The following ETS1 variants were observed in gnomAD, a reference collection of about 807,000 sequenced individuals.
The protein encoded by ETS1 is protein C-ets-1.
ETS1 carries 15 observed loss-of-function variants against 58.6 expected under a neutral mutation model. That is an observed-to-expected ratio of 0.26 (90% CI 0.17 to 0.39). ETS1 has a LOEUF of 0.39. ETS1 is among the 10% of genes least tolerant of loss of function. The pLI is 1.00. For synonymous variants in ETS1, 214 were observed against 218.2 expected (o/e 0.98, Z 0.17); for missense variants, 417 against 610.5 (o/e 0.68, Z 3.34).
In ETS1 at chr11:128,484,956, G is replaced by A. The variant is rs1223844662; in HGVS notation, c.729C>T (p.Leu243=). The A allele has an allele frequency of 1.2e-6, 2 of 1,614,118 alleles. No individual in the cohort carries two copies. Among genetic ancestry groups the A allele is most frequent in the South Asian group, 1.1e-5 (1 of 91,078 alleles). The part of the protein sequence containing the change: ...HPISSEELLS[L]KYENDYPSVI... ...CCGAGGGGTAGTCATTCTCATACTT[G>A]AGGGAGAGGAGCTCTTCCGAGCTGA... Residue 243 remains leucine (L), a synonymous_variant, in exon 7 of 10, where the codon CTC becomes CTT. Transcript: ENST00000392668.
chr11:128,524,610 TATTC>T lies in ETS1; in HGVS notation c.214+31677_214+31680del, dbSNP rs145283395. Among the ~76,000 whole-genome samples the T allele has an allele frequency of 1.4e-3, 218 of 152,336 alleles. 1 individual carries two copies. The East Asian group carries it at 0.037, about 26-fold the overall frequency. On this transcript the variant is annotated intron_variant, in intron 3 of 9. Transcript: ENST00000392668. ...AATCAATGTTGATAAATGAAATTTT[TATTC>T]ATTCTCTTTAGGACACAAGTAGATT...
At chr11:128,497,654 C>T in intron 3 of ETS1, 3 of 907,288 alleles carry the variant, frequency 3.3e-6, no homozygotes, top group African/African-American at 1.8e-5. Context: ...AGTTGTAATT[C>T]GGCAGCGCCG....
At chr11:128,571,225 G>A (rs976488174) in intron 2 of ETS1, among the ~76,000 whole-genome samples, 5 of 151,714 alleles carry the variant, frequency 3.3e-5, no homozygotes, top group African/African-American at 7.3e-5. Context: ...TCAGGAGATC[G>A]AGACCACGGT....
chr11:128,553,325 G>GT (rs1178279100), intron 3 of ETS1, among the ~76,000 whole-genome samples: 2 of 152,126 alleles, frequency 1.3e-5, no homozygotes, highest in Non-Finnish European at 2.9e-5. Context: ...ATGCAAATGT[G>GT]GCTTCCCTTT....
chr11:128,563,313 T>G (rs1864435797), intron 2 of ETS1, among the ~76,000 whole-genome samples: 1 of 152,214 alleles, frequency 6.6e-6, no homozygotes, highest in Non-Finnish European at 1.5e-5. Context: ...GAGTCAACAC[T>G]GGGTGGATGG....
At chr11:128,512,691 C>T (rs542129035) in intron 3 of ETS1, among the ~76,000 whole-genome samples, 3 of 152,380 alleles carry the variant, frequency 2.0e-5, no homozygotes, top group Non-Finnish European at 4.4e-5. Flanking sequence ...ACCCAAAGCA[C>T]GCAGGCCTGG....
Position 128,585,121 on chromosome 11 carries a change from AAAG to A in ETS1, c.-15+2364_-15+2366del, listed in dbSNP as rs1373268765. Among the ~76,000 whole-genome samples the A allele has an allele frequency of 3.2e-3, 68 of 21,054 alleles. 6 individuals carry two copies. The highest frequency in any genetic ancestry group is 8.6e-3 in the Middle Eastern group (1 of 116). The allele number at this position is 21,054 out of a possible 152,430, so 13.8% of individuals were successfully genotyped here. A position where few individuals can be genotyped will look rare whatever the true frequency, so the allele number is the denominator to read the frequency against. Reference sequence around the variant, plus strand: ...AAAGAAAGGAAGGAAGGAAGGAAAGAAAGAAGAAAGAAAGAAAAGAAAGAAAGA... The same window carrying A: ...AAAGAAAGGAAGGAAGGAAGGAAAGAAAGAAAGAAAGAAAAGAAAGAAAGA... On this transcript the variant is annotated intron_variant, in intron 1 of 9. Coordinates refer to ENST00000392668, the MANE Select transcript of ETS1 (RefSeq NM_001143820.2).
intron 2 of ETS1, among the ~76,000 whole-genome samples, chr11:128,567,924 G>A (rs1039801944): frequency 2.0e-5 from 3 of 152,114 alleles, no homozygotes; most frequent in African/African-American, 7.2e-5. Flanking sequence ...GTGAACCACC[G>A]CGGCCAGCCA....
At chr11:128,506,679 A>C (rs79811335) in intron 3 of ETS1, among the ~76,000 whole-genome samples, 2,720 of 152,236 alleles carry the variant, frequency 0.018, 76 homozygotes, top group African/African-American at 0.062. Flanking sequence ...GATCTCCCAC[A>C]GCCACCTCCG....
intron 3 of ETS1, among the ~76,000 whole-genome samples, chr11:128,554,496 C>G (rs1248490187): frequency 6.6e-6 from 1 of 152,062 alleles, no homozygotes; most frequent in Non-Finnish European, 1.5e-5. Context: ...CAGACACTGT[C>G]TCATAGGCCA....
intron 3 of ETS1, 23 bp downstream of exon 3, chr11:128,556,268 C>T (rs1864310669): frequency 1.3e-6 from 2 of 1,589,492 alleles, no homozygotes; most frequent in African/African-American, 2.7e-5. Context: ...ATCCTCATTC[C>T]CAGCTTTTGT....
At chr11:128,473,858 G>A (rs962489454) in intron 8 of ETS1, among the ~76,000 whole-genome samples, 8 of 152,220 alleles carry the variant, frequency 5.3e-5, no homozygotes, top group Non-Finnish European at 1.0e-4. Context: ...ACCTGGCAGG[G>A]CCTTTCCCAA....
chr11:128,522,285 C>G (rs1036174538), intron 3 of ETS1: 33 of 1,111,356 alleles, frequency 3.0e-5, no homozygotes, highest in Non-Finnish European at 3.5e-5. Flanking sequence ...TCTCCGCCGG[C>G]GGCTGCCTCG....
chr11:128,482,467 G>A (rs12362014), intron 7 of ETS1, among the ~76,000 whole-genome samples: 23,345 of 152,066 alleles, frequency 0.15, 2,401 homozygotes, highest in Admixed American at 0.28. Context: ...TTTTATACTT[G>A]GAGAAAAAGG....
intron 3 of ETS1, among the ~76,000 whole-genome samples, chr11:128,500,128 A>G (rs963838888): frequency 2.6e-5 from 4 of 152,184 alleles, no homozygotes; most frequent in Non-Finnish European, 5.9e-5. Context: ...AAGGTGGTGC[A>G]GTGGCCATGG....
chr11:128,460,652 C>T lies in ETS1; in HGVS notation c.*1709G>A, dbSNP rs2135404589. 6.6e-6 allele frequency: 1 copy of T among 152,378 alleles called. No homozygotes were observed. Among genetic ancestry groups the T allele is most frequent in the Non-Finnish European group, 1.5e-5 (1 of 68,012 alleles). 9.4% of individuals were successfully genotyped at this position (152,378 alleles called of 1,614,324 possible). On this transcript the variant is annotated 3_prime_UTR_variant, in exon 10 of 10. Transcript: ENST00000392668. ...CTCACTAGTTAGATGTTGACTTTTC[C>T]TCTAAAACTCCATTTTCAGATTCCC... is the stretch of plus-strand genomic sequence containing the variant.
At chr11:128,529,605 A>G (rs1863862721) in intron 3 of ETS1, among the ~76,000 whole-genome samples, 2 of 152,190 alleles carry the variant, frequency 1.3e-5, no homozygotes, top group Admixed American at 1.3e-4. Context: ...ATTTCTCCTG[A>G]GTTCTGAGGG....
chr11:128,546,173 G>A (rs1322229906), intron 3 of ETS1, among the ~76,000 whole-genome samples: 2 of 152,226 alleles, frequency 1.3e-5, no homozygotes, highest in South Asian at 2.1e-4. Flanking sequence ...GACTTGGGTT[G>A]GGTAATCTGT....
At chr11:128,488,052 A>C (rs185847856) in intron 5 of ETS1, among the ~76,000 whole-genome samples, 131 of 152,304 alleles carry the variant, frequency 8.6e-4, no homozygotes, top group Non-Finnish European at 1.3e-3. Context: ...TCTTAGTAGA[A>C]TATACTGGGT....
Sources: allele counts gnomAD v4.1 joint callset (sites outside exome capture counted in the v4.1 genomes callset), GRCh38; gene constraint gnomAD v4.1.1; transcripts MANE v1.5; gene names NCBI Gene and HGNC (gene_info 2026-07-23, HGNC 2026-07-21).